Variants in STK10 observed in about 807,000 individuals in gnomAD.
STK10 encodes serine/threonine-protein kinase 10.
STK10 carries 78 observed loss-of-function variants against 113.8 expected under a neutral mutation model. The observed-to-expected ratio is 0.69, with a 90% CI of 0.57 to 0.83. STK10 has a LOEUF of 0.83. Among genes scored for constraint, STK10 ranks in the 40% least tolerant of loss-of-function variants. STK10 has a pLI of 0.00. For synonymous variants in STK10, 465 were observed against 494.7 expected (o/e 0.94, Z 0.80); for missense variants, 1,109 against 1,280.1 (o/e 0.87, Z 2.04).
chr5:172,056,950 A>AAG (rs1554115535), intron 15 of STK10: 20 of 83,172 alleles, frequency 2.4e-4, no homozygotes, highest in African/African-American at 5.1e-4. Flanking sequence ...AAAGAAAGAA[A>AAG]GAAGGAAAGA....
intron 1 of STK10, among the ~76,000 whole-genome samples, chr5:172,168,402 T>C (rs183857502): frequency 6.6e-6 from 1 of 152,240 alleles, no homozygotes; most frequent in Non-Finnish European, 1.5e-5. Flanking sequence ...GGGGGTGACC[T>C]GAGGACAGCA....
At chr5:172,101,052 CAG>C (rs371202382) in intron 7 of STK10, among the ~76,000 whole-genome samples, 344 of 152,348 alleles carry the variant, frequency 2.3e-3, no homozygotes, top group African/African-American at 7.4e-3. Context: ...ATCTGCTCAA[CAG>C]AGAGCTGAAC....
intron 17 of STK10, among the ~76,000 whole-genome samples, chr5:172,054,319 A>G (rs1581131369): frequency 1.3e-5 from 2 of 152,142 alleles, no homozygotes; most frequent in Admixed American, 6.5e-5. Context: ...CCTTGCCCCA[A>G]TCCTGCACAG....
chr5:172,147,582 T>C (rs145155766), intron 2 of STK10, among the ~76,000 whole-genome samples: 16 of 152,244 alleles, frequency 1.1e-4, no homozygotes, highest in African/African-American at 1.7e-4. Flanking sequence ...TCAGTAGAGA[T>C]GGGGTTTCAC....
intron 3 of STK10, among the ~76,000 whole-genome samples, chr5:172,123,915 A>G (rs1769567385): frequency 6.6e-6 from 1 of 152,094 alleles, no homozygotes; most frequent in Non-Finnish European, 1.5e-5. Flanking sequence ...AATCAAGTCC[A>G]TATCACAACT....
chr5:172,185,038 A>G (rs1183147065), intron 1 of STK10, among the ~76,000 whole-genome samples: 2 of 152,108 alleles, frequency 1.3e-5, no homozygotes, highest in Admixed American at 6.5e-5. Context: ...TGTGGATCGG[A>G]TGAGTTCCTT....
At chr5:172,152,046 C>T (rs1371238739) in intron 2 of STK10, among the ~76,000 whole-genome samples, 3 of 152,238 alleles carry the variant, frequency 2.0e-5, no homozygotes, top group Non-Finnish European at 2.9e-5. Flanking sequence ...GAGAGGCTTT[C>T]TCTGTCCATC....
chr5:172,160,902 G>A (rs986648281), intron 1 of STK10, among the ~76,000 whole-genome samples: 1 of 152,144 alleles, frequency 6.6e-6, no homozygotes, highest in Non-Finnish European at 1.5e-5. Context: ...TTCCACCACT[G>A]TACAAGGTCT....
intron 18 of STK10, among the ~76,000 whole-genome samples, chr5:172,049,139 C>T (rs1409686087): frequency 1.3e-5 from 2 of 152,190 alleles, no homozygotes; most frequent in Non-Finnish European, 1.5e-5. Context: ...AAGGTCGGTT[C>T]TTCCGGAGGG....
At chr5:172,094,024 GA>G (rs1768790353) in intron 8 of STK10, 64 bp from the exon 9 acceptor site, 1 of 1,224,648 alleles carries the variant, frequency 8.2e-7, no homozygotes, top group African/African-American at 1.6e-5. Flanking sequence ...AAGAGTCAGA[GA>G]TGCAGTGGAG....
In STK10 at chr5:172,127,333, C is replaced by T. The variant is rs73802401; in HGVS notation, c.370+40G>A. The T allele has an allele frequency of 3.4e-3, 5,522 of 1,612,048 alleles. 156 individuals carry two copies. In the African/African-American group the frequency reaches 0.064, roughly 19 times the overall value. On this transcript the variant is annotated intron_variant, in intron 3 of 18. Coordinates refer to ENST00000176763, the MANE Select transcript of STK10 (RefSeq NM_005990.4). ...GTCAGGCTTAGGACTCCAAACGAGTCGTCTGGTCCCGACAATGCACCGAAT... is the reference window on the plus strand; with the variant it reads ...GTCAGGCTTAGGACTCCAAACGAGTTGTCTGGTCCCGACAATGCACCGAAT...
chr5:172,055,555 C>T, intron 16 of STK10, 33 bp downstream of exon 16: 1 of 1,414,786 alleles, frequency 7.1e-7, no homozygotes, highest in Non-Finnish European at 9.3e-7. Context: ...TACACCCCAG[C>T]ACACTTGCAG....
chr5:172,107,363 G>A (rs1189226054), intron 5 of STK10, among the ~76,000 whole-genome samples: 2 of 152,150 alleles, frequency 1.3e-5, no homozygotes, highest in Non-Finnish European at 1.5e-5. Context: ...AAGGAAACAC[G>A]ACAGACTACA....
Position 172,042,118 on chromosome 5 carries a change from T to C in STK10, c.*2764A>G, listed in dbSNP as rs1305785963. ...TATTAGAAGCATATTTACATTCTTG[T>C]AGTTAACTTTCCAGAGAACATTTTA... On this transcript the variant is annotated 3_prime_UTR_variant, in exon 19 of 19. Coordinates refer to ENST00000176763, the MANE Select transcript of STK10 (RefSeq NM_005990.4). The C allele has an allele frequency of 6.6e-6, 1 of 152,630 alleles. No homozygotes were observed. Among genetic ancestry groups the C allele is most frequent in the African/African-American group, 2.4e-5 (1 of 41,442 alleles). The allele number at this position is 152,630 out of a possible 1,614,324, so 9.5% of individuals were successfully genotyped here. A position where few individuals can be genotyped will look rare whatever the true frequency, so the allele number is the denominator to read the frequency against.
At position 172,090,378 on chromosome 5, in the gene STK10, C is replaced by G. The variant is rs1423383568; in HGVS notation, c.1555-16G>C. ...GTTTCGGGTCCTGGCCAGGGAAAAC[C>G]ATTAGACAAGTCTCAGCATTTCAGC... On this transcript the variant is annotated splice_polypyrimidine_tract_variant and intron_variant, in intron 9 of 18. Coordinates refer to ENST00000176763, the MANE Select transcript of STK10 (RefSeq NM_005990.4). The G allele has an allele frequency of 6.2e-7, 1 of 1,612,180 alleles. No individual in the cohort carries two copies. The highest frequency in any genetic ancestry group is 1.3e-5 in the African/African-American group (1 of 74,896).
chr5:172,092,721 T>C lies in STK10; in HGVS notation c.1554+691A>G, dbSNP rs144645747. 3.3e-4 allele frequency: 50 copies of C among 152,354 alleles called. No homozygotes were observed. In the East Asian group the frequency reaches 9.4e-3, roughly 29 times the overall value. The allele number at this position is 152,354 out of a possible 1,614,324, so 9.4% of individuals were successfully genotyped here. On this transcript the variant is annotated intron_variant, in intron 9 of 18. Transcript: ENST00000176763. ...TTTGGGTAGAGGGTCAGGTGACCCA[T>C]GGTGAGTTTAGTAACACCCCGGGAT...
intron 2 of STK10, among the ~76,000 whole-genome samples, chr5:172,128,342 CTT>C (rs796522947): frequency 0.016 from 2,217 of 135,686 alleles, 47 homozygotes; most frequent in African/African-American, 0.056. Flanking sequence ...TTCTTCTTTC[CTT>C]TTTTTTTTTT....
At chr5:172,105,575 A>G in intron 7 of STK10, 81 bp downstream of exon 7, 1 of 1,466,796 alleles carries the variant, frequency 6.8e-7, no homozygotes, top group Admixed American at 1.7e-5. Context: ...GCGGGGTGAG[A>G]ACATGCCCAG....
intron 1 of STK10, 133 bp from the exon 2 acceptor site, chr5:172,156,921 GT>G: frequency 1.0e-6 from 1 of 995,522 alleles, no homozygotes; most frequent in Non-Finnish European, 1.5e-6. Context: ...AACGTACATT[GT>G]TCTTAACAAT....
Sources: allele counts gnomAD v4.1 joint callset (sites outside exome capture counted in the v4.1 genomes callset), GRCh38; gene constraint gnomAD v4.1.1; transcripts MANE v1.5; gene names NCBI Gene and HGNC (gene_info 2026-07-23, HGNC 2026-07-21).